ZNF468: variants seen among roughly 807,000 people sequenced by gnomAD.
ZNF468 encodes the protein zinc finger protein 468.
Under a neutral mutation model 7.2 loss-of-function variants are expected in ZNF468, and 8 were observed. That is an observed-to-expected ratio of 1.11 (90% CI 0.65 to 2.01). The LOEUF (loss-of-function observed/expected upper bound fraction) is 2.01. ZNF468 is among the 30% of genes most tolerant of loss of function. The probability of loss-of-function intolerance (pLI) is 0.00; values close to 1 mark genes in which losing one functional copy is unlikely to be tolerated. For synonymous variants in ZNF468, 218 were observed against 214.4 expected (o/e 1.02, Z -0.15); for missense variants, 608 against 626.5 (o/e 0.97, Z 0.31).
At chr19:52,853,061 T>A (rs186293373) in intron 2 of ZNF468, among the ~76,000 whole-genome samples, 24 of 152,082 alleles carry the variant, frequency 1.6e-4, no homozygotes, top group African/African-American at 5.8e-4. Context: ...TTCACCATGT[T>A]AGCCAGGATG....
chr19:52,853,986 G>T, intron 2 of ZNF468: 1 of 1,469,706 alleles, frequency 6.8e-7, no homozygotes, highest in Admixed American at 2.4e-5. Flanking sequence ...TGCTGCCCAA[G>T]AGCACTGACA....
chr19:52,849,290 G>A, intron 2 of ZNF468, 77 bp from the exon 3 acceptor site: 10 of 1,604,532 alleles, frequency 6.2e-6, no homozygotes, highest in Non-Finnish European at 8.5e-6. Flanking sequence ...GGAGGAGAGA[G>A]GGGAAAGCAT....
chr19:52,844,925 T>C lies in ZNF468; in HGVS notation c.143-2774A>G, dbSNP rs562760640. Among the ~76,000 whole-genome samples, 7 of 152,174 alleles carry C rather than the reference T, an allele frequency of 4.6e-5. No individual in the cohort carries two copies. The South Asian group carries it at 1.5e-3, about 32-fold the overall frequency. On this transcript the variant is annotated intron_variant, in intron 3 of 3. Transcript: ENST00000595646. ...ATCAACATCACCAAGGGCTGACAAA[T>C]CTTATTAAACAAAGGAAGTTAAGAG...
intron 3 of ZNF468, among the ~76,000 whole-genome samples, chr19:52,842,771 G>A (rs1480652588): frequency 1.7e-5 from 2 of 120,914 alleles, no homozygotes; most frequent in Admixed American, 1.1e-4. Flanking sequence ...AGCTAAGATT[G>A]CATCACTCCA....
Position 52,840,955 on chromosome 19 carries a change from C to A in ZNF468, c.1339G>T (p.Ala447Ser), listed in dbSNP as rs1474698586. 1.2e-6 allele frequency: 2 copies of A among 1,613,940 alleles called. No individual in the cohort carries two copies. Among genetic ancestry groups the A allele is most frequent in the South Asian group, 2.2e-5 (2 of 91,048 alleles). Reference protein sequence around the residue: ...KPYKCKVCDKAFQRDSHLAQH... With the variant: ...KPYKCKVCDKSFQRDSHLAQH... Reference sequence around the variant, plus strand: ...GCCAGGTGTGAATCCCTCTGGAAAGCCTTGTCACAAACCTTACATTTGTAT... The same window carrying A: ...GCCAGGTGTGAATCCCTCTGGAAAGACTTGTCACAAACCTTACATTTGTAT... Residue 447 changes from alanine (A) to serine (S), a missense_variant, in exon 4 of 4, where the codon GCT becomes TCT. Coordinates refer to ENST00000595646, the MANE Select transcript of ZNF468 (RefSeq NM_001008801.2).
At chr19:52,845,713 TA>T (rs577610845) in intron 3 of ZNF468, among the ~76,000 whole-genome samples, 1 of 151,324 alleles carries the variant, frequency 6.6e-6, no homozygotes, top group Non-Finnish European at 1.5e-5. Flanking sequence ...TAAAGGTAAA[TA>T]AAAAAACAGT....
intron 2 of ZNF468, among the ~76,000 whole-genome samples, chr19:52,850,130 G>A (rs1435206507): frequency 1.3e-5 from 2 of 152,082 alleles, no homozygotes; most frequent in East Asian, 1.9e-4. Flanking sequence ...GTGTGGGGAT[G>A]TGTATGTACA....
At chr19:52,842,469 C>T (rs1398846016) in intron 3 of ZNF468, among the ~76,000 whole-genome samples, 2 of 152,192 alleles carry the variant, frequency 1.3e-5, no homozygotes, top group Non-Finnish European at 1.5e-5. Flanking sequence ...ATACATATCA[C>T]TGTCACATCA....
rs759104011 is a variant in ZNF468, at chr19:52,840,963, C to T, written c.1331G>A (p.Cys444Tyr). 10 of 1,614,072 alleles carry T rather than the reference C, an allele frequency of 6.2e-6. No homozygotes were observed. Among genetic ancestry groups the T allele is most frequent in the South Asian group, 3.3e-5 (3 of 91,072 alleles). Residue 444 changes from cysteine (C) to tyrosine (Y), a missense_variant, in exon 4 of 4, where the codon TGT (cysteine) becomes TAT (tyrosine). Transcript: ENST00000595646. Reference protein sequence around the residue: ...TGEKPYKCKVCDKAFQRDSHL... With the variant: ...TGEKPYKCKVYDKAFQRDSHL... ...TGAATCCCTCTGGAAAGCCTTGTCA[C>T]AAACCTTACATTTGTATGGTTTCTC... is the stretch of plus-strand genomic sequence containing the variant.
At chr19:52,855,834 C>A (rs1369172018) in intron 1 of ZNF468, among the ~76,000 whole-genome samples, 1 of 152,246 alleles carries the variant, frequency 6.6e-6, no homozygotes, top group Non-Finnish European at 1.5e-5. Flanking sequence ...TCAGGTTGAG[C>A]TTTTCTGGTC....
intron 3 of ZNF468, among the ~76,000 whole-genome samples, chr19:52,844,901 TCAA>T (rs907872894): frequency 5.3e-5 from 8 of 152,112 alleles, no homozygotes; most frequent in African/African-American, 1.9e-4. Context: ...CATCTCATCA[TCAA>T]CATCACCAAG....
chr19:52,854,906 C>T (rs554701695), intron 1 of ZNF468, among the ~76,000 whole-genome samples: 3 of 152,172 alleles, frequency 2.0e-5, no homozygotes, highest in Admixed American at 2.0e-4. Context: ...TCTCTAATCC[C>T]AGCTACTCGG....
Position 52,840,456 on chromosome 19 carries a change from T to A in ZNF468, c.*269A>T. ...ATATGCATTATATGCAAAAACCTTG[T>A]CACAAACCTTACCTCTGTATGGTTT... On this transcript the variant is annotated 3_prime_UTR_variant, in exon 4 of 4. Transcript: ENST00000595646. 2.9e-6 allele frequency: 2 copies of A among 700,624 alleles called. No homozygotes were observed. Among genetic ancestry groups the A allele is most frequent in the East Asian group, 5.8e-5 (2 of 34,214 alleles). 43.4% of individuals were successfully genotyped at this position (700,624 alleles called of 1,614,324 possible).
In ZNF468 at chr19:52,841,048, A is replaced by C. The variant is rs1390052655; in HGVS notation, c.1246T>G (p.Cys416Gly). The C allele has an allele frequency of 6.2e-7, 1 of 1,613,060 alleles. No homozygotes were observed. Among genetic ancestry groups the C allele is most frequent in the Non-Finnish European group, 8.5e-7 (1 of 1,179,330 alleles). The change falls in exon 4 of 4, where the codon TGT becomes GGT. Residue 416 changes from cysteine (C) to glycine (G), a missense_variant. Transcript: ENST00000595646. The part of the protein sequence containing the change: ...SGEKPYKCEE[C>G]CKVFSRKSNL... ...GATTTGCGACTGAAAACTTTGCAAC[A>C]TTCTTCACATTTGTAAGGTTTCTCT...
chr19:52,856,814 C>G (rs2063444182), intron 1 of ZNF468, among the ~76,000 whole-genome samples: 1 of 152,028 alleles, frequency 6.6e-6, no homozygotes, highest in Admixed American at 6.6e-5. Flanking sequence ...CTCACCCATC[C>G]TCTACTTTGC....
intron 3 of ZNF468, 34 bp from the exon 4 acceptor site, chr19:52,842,185 A>T: frequency 1.3e-6 from 2 of 1,523,670 alleles, no homozygotes; most frequent in Non-Finnish European, 1.8e-6. Flanking sequence ...GTTTCCAATT[A>T]AGTACAGACG....
Position 52,841,007 on chromosome 19 carries a change from G to T in ZNF468, c.1287C>A (p.His429Gln), listed in dbSNP as rs548359601. ...GTTTCTCTCCAGTATGAATCCTCCT[G>T]TGTCTTTCCAGGTTTGATTTGCGAC... ...VFSRKSNLER[H>Q]RRIHTGEKPY... The change falls in exon 4 of 4, where the codon CAC becomes CAA. Residue 429 changes from histidine to glutamine, a missense_variant. Coordinates refer to ENST00000595646, the MANE Select transcript of ZNF468 (RefSeq NM_001008801.2). The T allele has an allele frequency of 6.2e-7, 1 of 1,611,320 alleles. No individual in the cohort carries two copies. Among genetic ancestry groups the T allele is most frequent in the Non-Finnish European group, 8.5e-7 (1 of 1,178,460 alleles).
At chr19:52,856,673 A>G (rs1445030551) in intron 1 of ZNF468, among the ~76,000 whole-genome samples, 1 of 142,686 alleles carries the variant, frequency 7.0e-6, no homozygotes, top group African/African-American at 2.6e-5. Context: ...GAGCCTCCAC[A>G]TTTCTGCCCC....
chr19:52,855,856 C>G (rs1266731992), intron 1 of ZNF468, among the ~76,000 whole-genome samples: 2 of 152,242 alleles, frequency 1.3e-5, no homozygotes, highest in Non-Finnish European at 2.9e-5. Context: ...AGCCCTTCGT[C>G]GCAAAGATGC....
Sources: allele counts gnomAD v4.1 joint callset (sites outside exome capture counted in the v4.1 genomes callset), GRCh38; gene constraint gnomAD v4.1.1; transcripts MANE v1.5; gene names NCBI Gene and HGNC (gene_info 2026-07-23, HGNC 2026-07-21).